Variants in NF1 observed in about 807,000 individuals in gnomAD.
NF1 encodes neurofibromin 1.
In NF1, 122 loss-of-function variants were observed where a neutral mutation model predicts 325.7. The ratio of observed to expected loss-of-function variants is 0.37; its 90% CI spans 0.32 to 0.44. The LOEUF is 0.44. NF1 is among the 20% of genes least tolerant of loss of function. The pLI, the probability that NF1 is intolerant of heterozygous loss-of-function variation, is 1.00. For synonymous variants in NF1, 1,091 were observed against 1,186.0 expected, an observed-to-expected ratio of 0.92 and a Z score of 1.65; for missense variants, 2,140 against 3,415.4, an observed-to-expected ratio of 0.63 and a Z score of 9.31.
At chr17:31,365,278 C>CAAA (rs67659795) in intron 57 of NF1, among the ~76,000 whole-genome samples, 9 of 101,068 alleles carry the variant, frequency 8.9e-5, no homozygotes, top group Middle Eastern at 4.8e-3. Context: ...GAACCTATCT[C>CAAA]AAAAAAAAAA....
At position 31,356,445 on chromosome 17, in the gene NF1, A is replaced by C. The variant is rs952554990; in HGVS notation, c.7616-15A>C. 9.9e-6 allele frequency: 16 copies of C among 1,612,140 alleles called. No individual in the cohort carries two copies. Among genetic ancestry groups the C allele is most frequent in the Non-Finnish European group, 1.4e-5 (16 of 1,178,610 alleles). On this transcript the variant is annotated splice_polypyrimidine_tract_variant and intron_variant, in intron 51 of 57. Transcript: ENST00000358273. ...GTAGTTAATGAACTTGCATATTCTT[A>C]ACTTTTGTTTATAGGAACAAGGAAA...
At chr17:31,147,366 A>G (rs1025547369) in intron 1 of NF1, among the ~76,000 whole-genome samples, 1 of 152,224 alleles carries the variant, frequency 6.6e-6, no homozygotes, top group African/African-American at 2.4e-5. Flanking sequence ...TATTTGTGAA[A>G]TTAAGCTCAC....
At chr17:31,155,407 G>T (rs149779989) in intron 1 of NF1, among the ~76,000 whole-genome samples, 1 of 152,288 alleles carries the variant, frequency 6.6e-6, no homozygotes, top group Admixed American at 6.5e-5. Flanking sequence ...AGCTGAGGGT[G>T]CTTATCTTAC....
chr17:31,201,504 G>C lies in NF1; in HGVS notation c.1260+19G>C, dbSNP rs373341575. On this transcript the variant is annotated intron_variant, in intron 11 of 57. Coordinates refer to ENST00000358273, the MANE Select transcript of NF1 (RefSeq NM_001042492.3). ...CACCAATGTAAGTCCAAAAGGTATT[G>C]CTAAATTACTAAAAAAATTTTTTTC... The C allele has an allele frequency of 5.7e-6, 9 of 1,582,158 alleles. No individual in the cohort carries two copies. The highest frequency in any genetic ancestry group is 6.9e-6 in the Non-Finnish European group (8 of 1,155,270).
intron 36 of NF1, among the ~76,000 whole-genome samples, chr17:31,272,951 A>G (rs1324357514): frequency 6.6e-6 from 1 of 152,154 alleles, no homozygotes; most frequent in Non-Finnish European, 1.5e-5. Context: ...CCTATTTTCT[A>G]TTGAGGGCTA....
rs1027694888 is a variant in NF1, at chr17:31,330,831, T to C, written c.5812+333T>C. 6 of 235,542 alleles carry C rather than the reference T, an allele frequency of 2.5e-5. No individual in the cohort carries two copies. The Admixed American group carries it at 3.1e-4, about 12-fold the overall frequency. 14.6% of individuals were successfully genotyped at this position (235,542 alleles called of 1,614,324 possible). ...TCTCTTCATAGCAGAAAAGTCCACA[T>C]AAGTATCCATGTTGCCTCCTTAATT... On this transcript the variant is annotated intron_variant, in intron 39 of 57. Transcript: ENST00000358273.
At chr17:31,111,372 G>A (rs1913400692) in intron 1 of NF1, among the ~76,000 whole-genome samples, 1 of 152,076 alleles carries the variant, frequency 6.6e-6, no homozygotes, top group Non-Finnish European at 1.5e-5. Flanking sequence ...CCAAACTGAT[G>A]AAAGGCATCA....
At chr17:31,113,671 A>T (rs1162780666) in intron 1 of NF1, among the ~76,000 whole-genome samples, 2 of 151,992 alleles carry the variant, frequency 1.3e-5, no homozygotes, top group Non-Finnish European at 2.9e-5. Flanking sequence ...CTGGGACTGT[A>T]AACACTCACC....
chr17:31,255,868 G>A (rs1376020787), intron 31 of NF1, among the ~76,000 whole-genome samples: 2 of 152,028 alleles, frequency 1.3e-5, no homozygotes, highest in East Asian at 1.9e-4. Context: ...CATTTTACTA[G>A]CATAAAAAAT....
chr17:31,221,038 A>G (rs956444566), intron 14 of NF1, among the ~76,000 whole-genome samples: 12 of 152,116 alleles, frequency 7.9e-5, no homozygotes, highest in Non-Finnish European at 1.8e-4. Flanking sequence ...AAATGTTGAT[A>G]TGTTGACCAA....
chr17:31,185,770 C>T (rs908440692), intron 8 of NF1, among the ~76,000 whole-genome samples: 5 of 152,314 alleles, frequency 3.3e-5, no homozygotes, highest in African/African-American at 4.8e-5. Context: ...GTCCAGGCTG[C>T]TGTGCAAGCT....
chr17:31,160,476 G>A (rs763356314), intron 3 of NF1, among the ~76,000 whole-genome samples: 15 of 152,146 alleles, frequency 9.9e-5, no homozygotes, highest in Non-Finnish European at 1.6e-4. Context: ...ACTTAAAATC[G>A]AAGGTGAGCT....
chr17:31,280,421 G>A (rs2068094330), intron 36 of NF1, among the ~76,000 whole-genome samples: 2 of 150,062 alleles, frequency 1.3e-5, no homozygotes, highest in African/African-American at 4.9e-5. Context: ...GGAGGCTGGG[G>A]CAGGAGAATC....
chr17:31,327,875 G>A (rs1161038024), intron 38 of NF1, 36 bp downstream of exon 38: 1 of 1,582,330 alleles, frequency 6.3e-7, no homozygotes, highest in South Asian at 1.1e-5. Flanking sequence ...TTTGATTTGG[G>A]GTTTGTTGCT....
At chr17:31,124,458 A>G (rs1253591914) in intron 1 of NF1, among the ~76,000 whole-genome samples, 1 of 147,432 alleles carries the variant, frequency 6.8e-6, no homozygotes. Context: ...ATAATATTCT[A>G]TTATCAGTAT....
intron 3 of NF1, 81 bp from the exon 4 acceptor site, chr17:31,163,105 T>C: frequency 7.4e-7 from 1 of 1,353,930 alleles, no homozygotes; most frequent in East Asian, 2.4e-5. Context: ...TTGTTCTGTG[T>C]GTGTGTTTGA....
At chr17:31,351,347 A>C (rs1242011959) in intron 50 of NF1, among the ~76,000 whole-genome samples, 1 of 152,212 alleles carries the variant, frequency 6.6e-6, no homozygotes, top group African/African-American at 2.4e-5. Flanking sequence ...TAAATATATG[A>C]GGTAACACAT....
intron 12 of NF1, among the ~76,000 whole-genome samples, chr17:31,212,305 C>T (rs1041765754): frequency 2.0e-4 from 30 of 152,344 alleles, no homozygotes; most frequent in Admixed American, 5.2e-4. Flanking sequence ...GTGGAGCTGT[C>T]ATCTCTTGTG....
chr17:31,284,831 A>G (rs1022604636), intron 36 of NF1, among the ~76,000 whole-genome samples: 1 of 152,102 alleles, frequency 6.6e-6, no homozygotes, highest in African/African-American at 2.4e-5. Context: ...TCTGTAAAAC[A>G]ATGTGGAGGC....
Sources: allele counts gnomAD v4.1 joint callset (sites outside exome capture counted in the v4.1 genomes callset), GRCh38; gene constraint gnomAD v4.1.1; transcripts MANE v1.5; gene names NCBI Gene and HGNC (gene_info 2026-07-23, HGNC 2026-07-21).